Variants in SERPINA5 observed in about 807,000 individuals in gnomAD.
SERPINA5 encodes plasma serine protease inhibitor.
A neutral mutation model predicts 25.3 loss-of-function variants in SERPINA5; 25 were observed. That is an observed-to-expected ratio of 0.99 (90% confidence interval 0.72 to 1.38). The LOEUF (loss-of-function observed/expected upper bound fraction) is 1.38. SERPINA5 is among the 40% of genes most tolerant of loss of function. SERPINA5 has a pLI of 0.00. For synonymous variants in SERPINA5, 234 were observed against 206.2 expected (o/e 1.14, Z -1.16); for missense variants, 599 against 509.5 (o/e 1.18, Z -1.69).
chr14:94,584,325 G>A (rs1566836212), intron 2 of SERPINA5, among the ~76,000 whole-genome samples: 1 of 152,186 alleles, frequency 6.6e-6, no homozygotes, highest in African/African-American at 2.4e-5. Context: ...TTTTGGTGAA[G>A]GTTAAACATA....
intron 5 of SERPINA5, among the ~76,000 whole-genome samples, chr14:94,591,226 A>C (rs1595082219): frequency 2.9e-5 from 3 of 102,260 alleles, no homozygotes; most frequent in Non-Finnish European, 3.9e-5. Context: ...CCACTCCTCC[A>C]CTCCACTCCT....
chr14:94,584,294 T>A (rs1296072811), intron 2 of SERPINA5, among the ~76,000 whole-genome samples: 1 of 152,200 alleles, frequency 6.6e-6, no homozygotes, highest in Non-Finnish European at 1.5e-5. Context: ...TTTGGAAAAC[T>A]CTGTAAAATA....
intron 4 of SERPINA5, 178 bp from the exon 5 acceptor site, chr14:94,590,571 G>A (rs1595081524): frequency 1.2e-6 from 1 of 827,184 alleles, no homozygotes; most frequent in Non-Finnish European, 1.8e-6. Context: ...CCAGAGCAAG[G>A]GGAGGCTCAT....
At chr14:94,591,075 C>T (rs1157040469) in intron 5 of SERPINA5, among the ~76,000 whole-genome samples, 179 bp downstream of exon 5, 2 of 146,428 alleles carry the variant, frequency 1.4e-5, no homozygotes, top group African/African-American at 2.7e-5. Context: ...TATTCAATTC[C>T]ACTCCACTCC....
Position 94,590,131 on chromosome 14 carries a change from G to C in SERPINA5, c.710G>C (p.Ser237Thr). The change falls in exon 4 of 6, where the codon AGC becomes ACC. Residue 237 changes from serine to threonine, a missense_variant. Physicochemically the swap from Ser to Thr is moderately conservative, Grantham distance 58. Transcript: ENST00000329597. ...SETVVRVPMM[S>T]REDQYHYLLD... ...ACTGTGGTGCGGGTACCCATGATGA[G>C]CCGCGAGGATCAGTATCACTACCTC... 6 of 1,614,134 alleles carry C rather than the reference G, an allele frequency of 3.7e-6. No individual in the cohort carries two copies. Among genetic ancestry groups the C allele is most frequent in the Non-Finnish European group, 5.1e-6 (6 of 1,180,014 alleles).
intron 2 of SERPINA5, among the ~76,000 whole-genome samples, chr14:94,586,410 C>T (rs1284470236): frequency 6.6e-6 from 1 of 152,186 alleles, no homozygotes. Flanking sequence ...AGGCCCCTCT[C>T]CTTGGCTCAC....
At chr14:94,588,407 T>C (rs1885166607) in intron 3 of SERPINA5, among the ~76,000 whole-genome samples, 1 of 152,154 alleles carries the variant, frequency 6.6e-6, no homozygotes, top group Admixed American at 6.5e-5. Flanking sequence ...TCTGCCCTCA[T>C]AGAGGCCAAG....
chr14:94,583,747 T>C (rs1385022594), intron 2 of SERPINA5, among the ~76,000 whole-genome samples: 1 of 152,148 alleles, frequency 6.6e-6, no homozygotes, highest in Non-Finnish European at 1.5e-5. Context: ...AGATGACAGG[T>C]GAACATGACT....
chr14:94,585,600 CT>C (rs1885047947), intron 2 of SERPINA5, among the ~76,000 whole-genome samples: 1 of 152,212 alleles, frequency 6.6e-6, no homozygotes, highest in Non-Finnish European at 1.5e-5. Context: ...CAGGCTGCCC[CT>C]GCCTGGTGGG....
At chr14:94,585,919 T>C (rs1885067674) in intron 2 of SERPINA5, among the ~76,000 whole-genome samples, 1 of 152,120 alleles carries the variant, frequency 6.6e-6, no homozygotes, top group East Asian at 1.9e-4. Context: ...AAGCACCCCA[T>C]GGTGTAGGTG....
intron 2 of SERPINA5, among the ~76,000 whole-genome samples, chr14:94,585,523 G>A (rs1885045040): frequency 6.6e-6 from 1 of 152,190 alleles, no homozygotes; most frequent in African/African-American, 2.4e-5. Flanking sequence ...ACTCTGCAAG[G>A]GATTTCCCAC....
chr14:94,590,697 C>A, intron 4 of SERPINA5, 52 bp from the exon 5 acceptor site: 1 of 1,573,360 alleles, frequency 6.4e-7, no homozygotes, highest in Non-Finnish European at 8.6e-7. Flanking sequence ...GGGTGAGGCT[C>A]AGTGTGCCAA....
At chr14:94,587,114 C>T (rs1885114632) in intron 2 of SERPINA5, 1 of 482,016 alleles carries the variant, frequency 2.1e-6, no homozygotes, top group South Asian at 3.5e-5. Flanking sequence ...AGACCCCTGC[C>T]TTGGGTCTGC....
At chr14:94,589,371 C>A (rs1321365178) in intron 3 of SERPINA5, among the ~76,000 whole-genome samples, 1 of 151,856 alleles carries the variant, frequency 6.6e-6, no homozygotes, top group East Asian at 1.9e-4. Context: ...TCACTTGAAC[C>A]TGGGAGGTGG....
intron 2 of SERPINA5, among the ~76,000 whole-genome samples, chr14:94,584,714 G>T (rs1345469993): frequency 6.6e-6 from 1 of 152,164 alleles, no homozygotes; most frequent in African/African-American, 2.4e-5. Flanking sequence ...CTGCCCCTGG[G>T]CTGTATCCAA....
Position 94,590,220 on chromosome 14 carries a change from T to A in SERPINA5, c.799T>A (p.Phe267Ile). The A allele has an allele frequency of 1.2e-6, 2 of 1,614,032 alleles. No individual in the cohort carries two copies. Among genetic ancestry groups the A allele is most frequent in the Non-Finnish European group, 1.7e-6 (2 of 1,179,926 alleles). ...VPYQGNATAL[F>I]ILPSEGKMQQ... Reference sequence around the variant, plus strand: ...CTACCAAGGCAATGCCACGGCTTTGTTCATTCTCCCCAGTGAGGGAAAGAT... The same window carrying A: ...CTACCAAGGCAATGCCACGGCTTTGATCATTCTCCCCAGTGAGGGAAAGAT... The change falls in exon 4 of 6, where the codon TTC becomes ATC. Residue 267 changes from phenylalanine to isoleucine, a missense_variant. Physicochemically the swap from Phe to Ile is conservative, Grantham distance 21. Coordinates refer to ENST00000329597, the MANE Select transcript of SERPINA5 (RefSeq NM_000624.6).
chr14:94,583,694 C>T lies in SERPINA5; in HGVS notation c.-18+1984C>T, dbSNP rs550273836. On this transcript the variant is annotated intron_variant, in intron 2 of 5. Transcript: ENST00000329597. ...GCGGGAAGACTGACCAGGGCCTACCCATCACATCCCCACCACCTCCCACCT... is the reference window on the plus strand; with the variant it reads ...GCGGGAAGACTGACCAGGGCCTACCTATCACATCCCCACCACCTCCCACCT... Among the ~76,000 whole-genome samples the T allele has an allele frequency of 9.2e-5, 14 of 152,290 alleles. No individual in the cohort carries two copies. In the South Asian group the frequency reaches 2.7e-3, roughly 29 times the overall value.
chr14:94,582,392 G>C (rs553070391), intron 2 of SERPINA5: 1 of 152,340 alleles, frequency 6.6e-6, no homozygotes, highest in Non-Finnish European at 1.5e-5. Context: ...GACAGATGTA[G>C]ACTCATCTCC....
Position 94,587,813 on chromosome 14 carries a change from A to G in SERPINA5, c.451A>G (p.Thr151Ala), listed in dbSNP as rs1413554567. Residue 151 changes from threonine (T) to alanine (A), a missense_variant, in exon 3 of 6, where the codon ACG becomes GCG. Physicochemically the swap from Thr to Ala is moderately conservative, Grantham distance 58. Transcript: ENST00000329597. Reference sequence around the variant, plus strand: ...GGACACCTTCGTAAGTGCCATGAAGACGCTGTACCTGGCAGACACTTTCCC... The same window carrying G: ...GGACACCTTCGTAAGTGCCATGAAGGCGCTGTACCTGGCAGACACTTTCCC... Reference protein sequence around the residue: ...LQDTFVSAMKTLYLADTFPTN... With the variant: ...LQDTFVSAMKALYLADTFPTN... The G allele has an allele frequency of 6.2e-7, 1 of 1,613,950 alleles. No homozygotes were observed. The highest frequency in any genetic ancestry group is 2.2e-5 in the East Asian group (1 of 44,854).
Sources: allele counts gnomAD v4.1 joint callset (sites outside exome capture counted in the v4.1 genomes callset), GRCh38; gene constraint gnomAD v4.1.1; transcripts MANE v1.5; gene names NCBI Gene and HGNC (gene_info 2026-07-23, HGNC 2026-07-21).